Variants in ZNF407 observed in about 807,000 individuals in gnomAD.
The protein encoded by ZNF407 is zinc finger protein 407.
A neutral mutation model predicts 131.2 loss-of-function variants in ZNF407; 17 were observed. That is an observed-to-expected ratio of 0.13 (90% confidence interval 0.09 to 0.19). The LOEUF (loss-of-function observed/expected upper bound fraction) is 0.19, where lower values mean the gene tolerates loss of function less well. Among genes scored for constraint, ZNF407 ranks in the 10% least tolerant of loss-of-function variants. The pLI, the probability that ZNF407 is intolerant of heterozygous loss-of-function variation, is 1.00. For missense variants in ZNF407, 2,681 were observed against 2,830.6 expected (o/e 0.95, Z 1.20); for synonymous variants, 1,156 against 1,062.0 (o/e 1.09, Z -1.72).
intron 8 of ZNF407, among the ~76,000 whole-genome samples, chr18:75,042,267 A>G (rs1365105548): frequency 6.6e-6 from 1 of 152,124 alleles, no homozygotes; most frequent in Non-Finnish European, 1.5e-5. Flanking sequence ...CAGCCTTATG[A>G]TTTTTGTACT....
chr18:74,637,896 G>T (rs965686436), intron 2 of ZNF407, among the ~76,000 whole-genome samples: 1 of 152,250 alleles, frequency 6.6e-6, no homozygotes, highest in South Asian at 2.1e-4. Context: ...ATCAAGCATC[G>T]TAGGAAAAAG....
intron 5 of ZNF407, 116 bp downstream of exon 5, chr18:74,877,479 G>C (rs1971175394): frequency 5.1e-6 from 5 of 986,206 alleles, no homozygotes; most frequent in Admixed American, 2.3e-5. Context: ...ATGATGTCCT[G>C]CTTTAAGATT....
Position 74,951,770 on chromosome 18 carries a change from A to G in ZNF407, c.5428+31078A>G, listed in dbSNP as rs1034670173. On this transcript the variant is annotated intron_variant, in intron 8 of 8. Transcript: ENST00000299687. ...TTTTTATGGGTATTAATTTTTAGAA[A>G]TAACTTACTTTCTAAATGAAAAGTA... Among the ~76,000 whole-genome samples, 5 of 152,138 alleles carry G rather than the reference A, an allele frequency of 3.3e-5. 1 individual carries two copies. The highest frequency in any genetic ancestry group is 7.2e-5 in the African/African-American group (3 of 41,420).
chr18:75,001,846 C>T (rs1276025781), intron 8 of ZNF407, among the ~76,000 whole-genome samples: 3 of 152,208 alleles, frequency 2.0e-5, no homozygotes, highest in African/African-American at 4.8e-5. Flanking sequence ...TTCTGTCCCC[C>T]GTGAATATTT....
At chr18:74,926,442 C>T (rs1360764969) in intron 8 of ZNF407, among the ~76,000 whole-genome samples, 1 of 152,170 alleles carries the variant, frequency 6.6e-6, no homozygotes, top group African/African-American at 2.4e-5. Context: ...ACCTGACCTC[C>T]ACCTCTTTTT....
chr18:74,987,696 A>G (rs1446049813), intron 8 of ZNF407, among the ~76,000 whole-genome samples: 1 of 147,748 alleles, frequency 6.8e-6, no homozygotes, highest in African/African-American at 2.5e-5. Flanking sequence ...GCAAAACTAG[A>G]AAAAAAAAAC....
At chr18:74,743,684 G>C (rs1007914275) in intron 3 of ZNF407, among the ~76,000 whole-genome samples, 10 of 151,892 alleles carry the variant, frequency 6.6e-5, no homozygotes, top group African/African-American at 2.4e-4. Context: ...AAAATGTTGT[G>C]AAAGAAACTT....
rs567891037 is a variant in ZNF407, at chr18:74,944,733, C to A, written c.5428+24041C>A. On this transcript the variant is annotated intron_variant, in intron 8 of 8. Coordinates refer to ENST00000299687, the MANE Select transcript of ZNF407 (RefSeq NM_017757.3). ...AGCAAGTGATAGCTGAGATTATGAA[C>A]AATAAAGAGCTTGCATCTTTATAAA... 3.3e-4 allele frequency among the ~76,000 whole-genome samples: 50 copies of A among 152,300 alleles called. 2 individuals are homozygous for A. The highest frequency in any genetic ancestry group is 1.2e-3 in the African/African-American group (50 of 41,566).
chr18:75,008,191 C>G (rs1471541881), intron 8 of ZNF407, among the ~76,000 whole-genome samples: 1 of 152,130 alleles, frequency 6.6e-6, no homozygotes, highest in Non-Finnish European at 1.5e-5. Flanking sequence ...GACCTCCGTG[C>G]AAGTCCCTTG....
At chr18:75,026,648 C>T (rs896608764) in intron 8 of ZNF407, among the ~76,000 whole-genome samples, 5 of 152,158 alleles carry the variant, frequency 3.3e-5, no homozygotes, top group Non-Finnish European at 4.4e-5. Context: ...CATTTGGAAA[C>T]GCAGTTCAAG....
At chr18:74,931,643 A>C (rs889855079) in intron 8 of ZNF407, among the ~76,000 whole-genome samples, 1 of 152,114 alleles carries the variant, frequency 6.6e-6, no homozygotes, top group African/African-American at 2.4e-5. Context: ...ATTATATGGT[A>C]TATTTAACTG....
intron 3 of ZNF407, among the ~76,000 whole-genome samples, chr18:74,671,044 A>G (rs1986121297): frequency 6.6e-6 from 1 of 152,214 alleles, no homozygotes; most frequent in African/African-American, 2.4e-5. Context: ...GTCCATCTCC[A>G]GAACTCTTTT....
chr18:74,980,925 T>G (rs973037072), intron 8 of ZNF407, among the ~76,000 whole-genome samples: 20 of 152,110 alleles, frequency 1.3e-4, no homozygotes, highest in Admixed American at 1.2e-3. Context: ...TGGAGTATTT[T>G]TGCCATCTAC....
Position 74,871,682 on chromosome 18 carries a change from GT to G in ZNF407, c.4878-5510del, listed in dbSNP as rs529710868. ...ATACCAGATCTTTCCCACTGGTGTG[GT>G]TTTTGTAGATATGAGTTTGTCTCAT... On this transcript the variant is annotated intron_variant, in intron 4 of 8. Coordinates refer to ENST00000299687, the MANE Select transcript of ZNF407 (RefSeq NM_017757.3). 4.7e-4 allele frequency among the ~76,000 whole-genome samples: 72 copies of G among 151,884 alleles called. 1 individual carries two copies. The highest frequency in any genetic ancestry group is 7.1e-4 in the Non-Finnish European group (48 of 67,980).
chr18:74,852,484 A>G (rs1460498477), intron 4 of ZNF407, among the ~76,000 whole-genome samples: 1 of 151,990 alleles, frequency 6.6e-6, no homozygotes, highest in Non-Finnish European at 1.5e-5. Context: ...ACTATATAAT[A>G]TAAATTTTTA....
chr18:74,863,422 TTG>T (rs1970966208), intron 4 of ZNF407, among the ~76,000 whole-genome samples: 1 of 152,068 alleles, frequency 6.6e-6, no homozygotes, highest in East Asian at 1.9e-4. Context: ...CATGAGGTGT[TTG>T]TCAACATGAG....
At chr18:74,874,375 A>C (rs1971126867) in intron 4 of ZNF407, among the ~76,000 whole-genome samples, 1 of 152,250 alleles carries the variant, frequency 6.6e-6, no homozygotes, top group Non-Finnish European at 1.5e-5. Flanking sequence ...TCAGTTATGC[A>C]AGAAATCTCT....
At chr18:74,795,988 C>T (rs994733529) in intron 4 of ZNF407, among the ~76,000 whole-genome samples, 5 of 152,216 alleles carry the variant, frequency 3.3e-5, no homozygotes, top group South Asian at 2.1e-4. Flanking sequence ...AGCACATGAA[C>T]GAGTCTCTGG....
intron 3 of ZNF407, among the ~76,000 whole-genome samples, chr18:74,758,786 G>A (rs1459242992): frequency 6.6e-6 from 1 of 151,980 alleles, no homozygotes; most frequent in Non-Finnish European, 1.5e-5. Flanking sequence ...GGAGATGTTG[G>A]CCAGGCTGGT....
Sources: allele counts gnomAD v4.1 joint callset (sites outside exome capture counted in the v4.1 genomes callset), GRCh38; gene constraint gnomAD v4.1.1; transcripts MANE v1.5; gene names NCBI Gene and HGNC (gene_info 2026-07-23, HGNC 2026-07-21).